Variants in MAN2A1 observed in about 807,000 individuals in gnomAD.
MAN2A1 encodes mannosidase alpha class 2A member 1, also known as alpha-mannosidase 2.
A neutral mutation model predicts 142.6 loss-of-function variants in MAN2A1; 76 were observed. The ratio of observed to expected loss-of-function variants is 0.53; its 90% CI spans 0.44 to 0.65. The LOEUF is 0.65. Ranked by LOEUF, MAN2A1 falls within the 30% of genes least tolerant of loss-of-function variation. MAN2A1 has a pLI of 0.00. For synonymous variants in MAN2A1, 559 were observed against 473.2 expected (o/e 1.18, Z -2.35); for missense variants, 1,311 against 1,365.1 (o/e 0.96, Z 0.62).
At chr5:109,771,287 T>C (rs1753138027) in intron 7 of MAN2A1, among the ~76,000 whole-genome samples, 1 of 152,174 alleles carries the variant, frequency 6.6e-6, no homozygotes, top group South Asian at 2.1e-4. Flanking sequence ...GAAAATAATA[T>C]AGCCCATTAA....
intron 16 of MAN2A1, among the ~76,000 whole-genome samples, chr5:109,834,492 CTTCAAGTATATCATAGT>C (rs1755010511): frequency 6.6e-6 from 1 of 151,890 alleles, no homozygotes; most frequent in African/African-American, 2.4e-5. Context: ...ATTATGTCTT[CTTCAAGTATATCATAGT>C]TTATTGGTAT....
chr5:109,718,549 G>T (rs967448394), intron 3 of MAN2A1, among the ~76,000 whole-genome samples: 1 of 152,186 alleles, frequency 6.6e-6, no homozygotes. Context: ...TAGCGGCAAA[G>T]AACATATGCC....
chr5:109,805,375 G>A (rs894908887), intron 12 of MAN2A1, among the ~76,000 whole-genome samples: 1 of 151,904 alleles, frequency 6.6e-6, no homozygotes, highest in Non-Finnish European at 1.5e-5. Context: ...ATTCTGCTTC[G>A]GTTACATTTA....
chr5:109,865,645 C>G (rs1265958038), intron 21 of MAN2A1, among the ~76,000 whole-genome samples: 2 of 152,202 alleles, frequency 1.3e-5, no homozygotes, highest in Non-Finnish European at 2.9e-5. Flanking sequence ...TAGCGCCAAT[C>G]AGTTGTTTTC....
Position 109,719,648 on chromosome 5 carries a change from C to T in MAN2A1, c.535+3384C>T, listed in dbSNP as rs139983448. On this transcript the variant is annotated intron_variant, in intron 3 of 21. Transcript: ENST00000261483. ...GCTTTAGCATAGTAGTTTGTTTCAT[C>T]GGTGGATTTTCGTCTATTGGGAATA... Among the ~76,000 whole-genome samples the T allele has an allele frequency of 9.9e-5, 15 of 152,034 alleles. No homozygotes were observed. In the East Asian group the frequency reaches 1.2e-3, roughly 12 times the overall value.
At chr5:109,772,589 C>G (rs895495233) in intron 7 of MAN2A1, among the ~76,000 whole-genome samples, 9 of 152,122 alleles carry the variant, frequency 5.9e-5, no homozygotes, top group Non-Finnish European at 1.3e-4. Context: ...TCACTGGAGC[C>G]TCCATCACCT....
intron 1 of MAN2A1, among the ~76,000 whole-genome samples, chr5:109,694,340 C>G (rs7726501): frequency 0.2 from 30,866 of 151,484 alleles, 3,985 homozygotes; most frequent in East Asian, 0.64. Flanking sequence ...AACTTGTATA[C>G]CTTTTTTTTT....
intron 16 of MAN2A1, among the ~76,000 whole-genome samples, chr5:109,825,134 G>C (rs1243022670): frequency 6.6e-6 from 1 of 152,062 alleles, no homozygotes; most frequent in Non-Finnish European, 1.5e-5. Flanking sequence ...CAAAACTTCT[G>C]GTAAGTCAGA....
chr5:109,714,709 G>A (rs1348393415), intron 2 of MAN2A1, among the ~76,000 whole-genome samples: 1 of 152,190 alleles, frequency 6.6e-6, no homozygotes, highest in African/African-American at 2.4e-5. Flanking sequence ...TTGGCTTCTG[G>A]CCTCGTTTTC....
In MAN2A1 at chr5:109,789,043, G is replaced by A. The variant is rs774860030; in HGVS notation, c.1870G>A (p.Glu624Lys). 5.7e-5 allele frequency: 86 copies of A among 1,508,594 alleles called. No homozygotes were observed. The Middle Eastern group carries it at 6.9e-4, about 12-fold the overall frequency. The allele number at this position is 1,508,594 out of a possible 1,614,324, so 93.5% of individuals were successfully genotyped here. A position where few individuals can be genotyped will look rare whatever the true frequency, so the allele number is the denominator to read the frequency against. ...CTCTTACTCTCCTGATACCTTCCTGGAGATGGTTAGTAATTTCATCTATGG... is the reference window on the plus strand; with the variant it reads ...CTCTTACTCTCCTGATACCTTCCTGAAGATGGTTAGTAATTTCATCTATGG... ...YDSYSPDTFL[E>K]MDLKQKSQDS... The change falls in exon 11 of 22, where the codon GAG becomes AAG. Residue 624 changes from glutamate to lysine, a missense_variant. By Grantham distance (56) the Glu-to-Lys change is moderately conservative. Coordinates refer to ENST00000261483, the MANE Select transcript of MAN2A1 (RefSeq NM_002372.4).
chr5:109,800,750 TGAA>T (rs1351774520), intron 12 of MAN2A1, among the ~76,000 whole-genome samples: 2 of 152,194 alleles, frequency 1.3e-5, no homozygotes, highest in Admixed American at 6.5e-5. Context: ...ATGGAGTAAA[TGAA>T]GATGACTTGT....
chr5:109,842,345 G>A lies in MAN2A1; in HGVS notation c.2584G>A (p.Val862Met). The A allele has an allele frequency of 6.4e-7, 1 of 1,568,298 alleles. No homozygotes were observed. Among genetic ancestry groups the A allele is most frequent in the Non-Finnish European group, 8.7e-7 (1 of 1,150,648 alleles). ...YHIQGIEGQS[V>M]EVSNIVDIRK... ...AAATTTAGGAATAGAAGGACAGTCTGTGGAAGTTTCCAATATTGTGGACAT... is the reference window on the plus strand; with the variant it reads ...AAATTTAGGAATAGAAGGACAGTCTATGGAAGTTTCCAATATTGTGGACAT... Residue 862 changes from valine to methionine, a missense_variant, in exon 17 of 22, where the codon GTG becomes ATG. This residue lies in a region of MAN2A1 where 890 missense variants were observed against 920.5 expected (regional missense o/e 0.97). Coordinates refer to ENST00000261483, the MANE Select transcript of MAN2A1 (RefSeq NM_002372.4).
intron 3 of MAN2A1, among the ~76,000 whole-genome samples, chr5:109,718,665 A>G (rs191615017): frequency 6.6e-6 from 1 of 152,142 alleles, no homozygotes; most frequent in South Asian, 2.1e-4. Context: ...CCTCCACCAC[A>G]TACTCATACT....
chr5:109,776,247 T>C (rs1344637819), intron 8 of MAN2A1, among the ~76,000 whole-genome samples: 1 of 152,118 alleles, frequency 6.6e-6, no homozygotes, highest in Non-Finnish European at 1.5e-5. Flanking sequence ...AACTATAGTT[T>C]AGTAAGAATT....
At chr5:109,749,255 A>T (rs1201675815) in intron 4 of MAN2A1, among the ~76,000 whole-genome samples, 1 of 152,134 alleles carries the variant, frequency 6.6e-6, no homozygotes, top group Non-Finnish European at 1.5e-5. Flanking sequence ...CAAATTCCAA[A>T]TGTCTGATGA....
At chr5:109,809,532 A>G (rs1192370241) in intron 12 of MAN2A1, among the ~76,000 whole-genome samples, 10 of 152,134 alleles carry the variant, frequency 6.6e-5, no homozygotes, top group Admixed American at 6.5e-4. Context: ...TTAGGCTGGC[A>G]GTATTTTTTT....
intron 2 of MAN2A1, 32 bp downstream of exon 2, chr5:109,713,806 C>T (rs12657204): frequency 0.017 from 22,673 of 1,370,978 alleles, 28 homozygotes; most frequent in East Asian, 0.12. Context: ...AATCACTGGC[C>T]TTTTTTTTTT....
chr5:109,730,582 G>A (rs1041248488), intron 4 of MAN2A1, among the ~76,000 whole-genome samples: 10 of 151,872 alleles, frequency 6.6e-5, no homozygotes, highest in Non-Finnish European at 1.2e-4. Context: ...GTTACGATGG[G>A]AGGTTTTCTG....
chr5:109,690,656 C>T (rs572649793), intron 1 of MAN2A1, 104 bp downstream of exon 1: 5 of 1,313,094 alleles, frequency 3.8e-6, no homozygotes, highest in Middle Eastern at 5.2e-4. Flanking sequence ...GCCCCACACC[C>T]GTGCTGGGCG....
Sources: allele counts gnomAD v4.1 joint callset (sites outside exome capture counted in the v4.1 genomes callset), GRCh38; gene constraint gnomAD v4.1.1; regional missense constraint gnomAD v4.1.1; transcripts MANE v1.5; gene names NCBI Gene and HGNC (gene_info 2026-07-23, HGNC 2026-07-21).